ATE1: variants seen among roughly 807,000 people sequenced by gnomAD.
ATE1 encodes arginyltransferase 1.
Under a neutral mutation model 70.5 loss-of-function variants are expected in ATE1, and 36 were observed. The ratio of observed to expected loss-of-function variants is 0.51; its 90% confidence interval spans 0.39 to 0.67. The LOEUF is 0.67. Among genes scored for constraint, ATE1 ranks in the 30% least tolerant of loss-of-function variants. The pLI, the probability that ATE1 is intolerant of heterozygous loss-of-function variation, is 0.00. For missense variants in ATE1, 593 were observed against 629.5 expected (o/e 0.94, Z 0.62); for synonymous variants, 232 against 219.3 (o/e 1.06, Z -0.51).
chr10:121,862,289 G>C (rs1949500484), intron 8 of ATE1, among the ~76,000 whole-genome samples: 1 of 152,064 alleles, frequency 6.6e-6, no homozygotes, highest in Non-Finnish European at 1.5e-5. Flanking sequence ...CATTCCTTCT[G>C]AATTCTAGCC....
intron 10 of ATE1, among the ~76,000 whole-genome samples, chr10:121,792,104 G>A (rs1308655740): frequency 8.3e-6 from 1 of 120,722 alleles, no homozygotes; most frequent in African/African-American, 3.1e-5. Context: ...GAGGGTTCAA[G>A]GAGGATATGG....
chr10:121,908,171 T>A (rs1412530147), intron 5 of ATE1, among the ~76,000 whole-genome samples: 2 of 152,208 alleles, frequency 1.3e-5, no homozygotes, highest in Non-Finnish European at 2.9e-5. Flanking sequence ...CTGTTAGACG[T>A]TATTTTGAAA....
intron 10 of ATE1, among the ~76,000 whole-genome samples, chr10:121,834,168 T>TC (rs1396168034): frequency 6.6e-6 from 1 of 152,176 alleles, no homozygotes; most frequent in East Asian, 1.9e-4. Context: ...ACATTTGTCC[T>TC]CAGAGAGGAC....
chr10:121,825,369 T>A (rs937471927), intron 10 of ATE1, among the ~76,000 whole-genome samples: 1 of 152,186 alleles, frequency 6.6e-6, no homozygotes, highest in Non-Finnish European at 1.5e-5. Context: ...ATATATTTCA[T>A]ATCTCAGTTT....
At chr10:121,886,309 C>G (rs527433132) in intron 7 of ATE1, among the ~76,000 whole-genome samples, 1,910 of 140,194 alleles carry the variant, frequency 0.014, 49 homozygotes, top group African/African-American at 0.046. Context: ...AAAAAAAAAA[C>G]CCACCTCCTG....
At chr10:121,802,741 G>A (rs1946940537) in intron 10 of ATE1, among the ~76,000 whole-genome samples, 2 of 152,080 alleles carry the variant, frequency 1.3e-5, no homozygotes, top group South Asian at 4.1e-4. Flanking sequence ...TGCCAGTCCT[G>A]CATTCAATGA....
At chr10:121,864,086 C>T (rs1482776311) in intron 8 of ATE1, among the ~76,000 whole-genome samples, 1 of 152,194 alleles carries the variant, frequency 6.6e-6, no homozygotes, top group Non-Finnish European at 1.5e-5. Flanking sequence ...CATGTGGCCA[C>T]TTAGCCTTAA....
chr10:121,765,077 T>C (rs1395200488), intron 11 of ATE1, among the ~76,000 whole-genome samples: 1 of 152,134 alleles, frequency 6.6e-6, no homozygotes, highest in African/African-American at 2.4e-5. Flanking sequence ...CTTTTACCAT[T>C]TGCCACTGTG....
At chr10:121,795,142 G>T (rs1026177023) in intron 10 of ATE1, among the ~76,000 whole-genome samples, 1 of 152,154 alleles carries the variant, frequency 6.6e-6, no homozygotes, top group East Asian at 1.9e-4. Flanking sequence ...CAGCTCCTCT[G>T]GAGGCTGAGG....
chr10:121,879,186 G>A lies in ATE1; in HGVS notation c.943-9148C>T, dbSNP rs1006459087. Among the ~76,000 whole-genome samples the A allele has an allele frequency of 3.3e-5, 5 of 151,992 alleles. No homozygotes were observed. In the East Asian group the frequency reaches 5.8e-4, roughly 18 times the overall value. On this transcript the variant is annotated intron_variant, in intron 7 of 11. Transcript: ENST00000224652. ...CAGATGCCACCATGATTTGTGTTCC[G>A]GCCTCATCAGTGTCCCGGATGTTTT...
intron 10 of ATE1, among the ~76,000 whole-genome samples, chr10:121,815,412 G>A (rs1317384371): frequency 6.6e-6 from 1 of 152,222 alleles, no homozygotes; most frequent in African/African-American, 2.4e-5. Flanking sequence ...TGGGATTACA[G>A]GCGTGAGCCA....
Position 121,801,228 on chromosome 10 carries a change from A to G in ATE1, c.1258-10939T>C, listed in dbSNP as rs187600968. On this transcript the variant is annotated intron_variant, in intron 10 of 11. Transcript: ENST00000224652. ...CCACTGACAAACAGAAAGTGACGGT[A>G]TTCTGTATTTCTTTAATTAAAATCC... is the stretch of plus-strand genomic sequence containing the variant. Among the ~76,000 whole-genome samples, 1,254 of 152,302 alleles carry G rather than the reference A, an allele frequency of 8.2e-3. 7 individuals carry two copies. Among genetic ancestry groups the G allele is most frequent in the Non-Finnish European group, 0.013 (892 of 68,020 alleles).
chr10:121,858,273 C>G (rs953583749), intron 8 of ATE1, among the ~76,000 whole-genome samples: 1 of 152,118 alleles, frequency 6.6e-6, no homozygotes, highest in African/African-American at 2.4e-5. Context: ...TGCAGCTGTA[C>G]CATTTCATGT....
chr10:121,923,341 T>C (rs959148235), intron 2 of ATE1, among the ~76,000 whole-genome samples: 58 of 152,180 alleles, frequency 3.8e-4, no homozygotes, highest in African/African-American at 1.3e-3. Context: ...GATGCACACC[T>C]GTAGTCCTAG....
At chr10:121,853,543 A>C (rs938490556) in intron 8 of ATE1, among the ~76,000 whole-genome samples, 8 of 152,124 alleles carry the variant, frequency 5.3e-5, no homozygotes, top group Admixed American at 3.9e-4. Flanking sequence ...GTATAATGAA[A>C]ATATTTCAAA....
At chr10:121,898,127 T>G (rs1019198107) in intron 7 of ATE1, among the ~76,000 whole-genome samples, 1 of 152,066 alleles carries the variant, frequency 6.6e-6, no homozygotes, top group Non-Finnish European at 1.5e-5. Context: ...AACGATGCCA[T>G]CTCATTCATT....
At chr10:121,832,716 C>T (rs1948290259) in intron 10 of ATE1, among the ~76,000 whole-genome samples, 1 of 152,198 alleles carries the variant, frequency 6.6e-6, no homozygotes, top group Non-Finnish European at 1.5e-5. Context: ...AATTAAACCT[C>T]TTTTTCTTCC....
intron 6 of ATE1, among the ~76,000 whole-genome samples, chr10:121,901,429 G>A (rs1445610918): frequency 6.6e-6 from 1 of 152,138 alleles, no homozygotes; most frequent in Non-Finnish European, 1.5e-5. Flanking sequence ...AATCACATAT[G>A]AGAATAAGAT....
At position 121,742,846 on chromosome 10, in the gene ATE1, A is replaced by T. The variant is rs761985150; in HGVS notation, c.*834T>A. 1 of 152,256 alleles carries T rather than the reference A, an allele frequency of 6.6e-6. No homozygotes were observed. The highest frequency in any genetic ancestry group is 1.5e-5 in the Non-Finnish European group (1 of 68,048). 9.4% of individuals were successfully genotyped at this position (152,256 alleles called of 1,614,324 possible). On this transcript the variant is annotated 3_prime_UTR_variant, in exon 12 of 12. Transcript: ENST00000224652. ...AGACAAATGTCCTGAGTTGTAAGAT[A>T]AAAAACTAGTGACTATTTATTTCCT...
Sources: gnomAD v4.1 joint callset for allele counts (sites outside exome capture counted in the v4.1 genomes callset) on GRCh38, gnomAD v4.1.1 for gene constraint, MANE v1.5 for transcripts, NCBI Gene and HGNC (gene_info 2026-07-23, HGNC 2026-07-21) for gene names.